The following ADAM12 variants were observed in gnomAD, a reference collection of about 807,000 sequenced individuals.
ADAM12 encodes ADAM metallopeptidase domain 12, also known as disintegrin and metalloproteinase domain-containing protein 12.
In ADAM12, 70 loss-of-function variants were observed where a neutral mutation model predicts 106.4. The observed-to-expected ratio is 0.66, with a 90% CI of 0.54 to 0.80. ADAM12 has a LOEUF of 0.80. Ranked by LOEUF, ADAM12 falls within the 30% of genes least tolerant of loss-of-function variation. The probability of loss-of-function intolerance (pLI) is 0.00; values close to 1 mark genes in which losing one functional copy is unlikely to be tolerated. For missense variants in ADAM12, 1,010 were observed against 1,171.9 expected (o/e 0.86, Z 2.02); for synonymous variants, 420 against 433.5 (o/e 0.97, Z 0.39).
intron 3 of ADAM12, among the ~76,000 whole-genome samples, chr10:126,202,392 T>C (rs1957718802): frequency 6.6e-6 from 1 of 152,256 alleles, no homozygotes; most frequent in Non-Finnish European, 1.5e-5. Context: ...TGTATAAATT[T>C]AATGACTATC....
intron 1 of ADAM12, among the ~76,000 whole-genome samples, chr10:126,337,117 G>A (rs1157968288): frequency 6.6e-6 from 1 of 152,204 alleles, no homozygotes; most frequent in Non-Finnish European, 1.5e-5. Flanking sequence ...CAATTACAAG[G>A]CGACGTCCCA....
intron 19 of ADAM12, 47 bp from the exon 20 acceptor site, chr10:126,038,396 C>CACTG: frequency 7.0e-7 from 1 of 1,437,926 alleles, no homozygotes; most frequent in South Asian, 1.4e-5. Flanking sequence ...TTCCCCTTCT[C>CACTG]ACTGACTTGA....
At position 126,113,731 on chromosome 10, in the gene ADAM12, T is replaced by TATATAA. The variant is rs1176475501; in HGVS notation, c.604-3892_604-3891insTTATAT. Reference sequence around the variant, plus strand: ...ATATATATATATATATATATATATATAATATATTGCTCTGGCTACTGGAAG... The same window carrying TATATAA: ...ATATATATATATATATATATATATATATATAAAATATATTGCTCTGGCTACTGGAAG... On this transcript the variant is annotated intron_variant, in intron 6 of 22. Transcript: ENST00000448723. Among the ~76,000 whole-genome samples the TATATAA allele has an allele frequency of 2.5e-3, 64 of 25,938 alleles. 1 individual carries two copies. The highest frequency in any genetic ancestry group is 9.6e-3 in the African/African-American group (59 of 6,134). 17.0% of individuals were successfully genotyped at this position (25,938 alleles called of 152,430 possible). A position where few individuals can be genotyped will look rare whatever the true frequency, so the allele number is the denominator to read the frequency against.
intron 13 of ADAM12, 47 bp from the exon 14 acceptor site, chr10:126,065,048 G>A: frequency 2.6e-6 from 4 of 1,551,000 alleles, no homozygotes; most frequent in South Asian, 1.2e-5. Flanking sequence ...GGGAAAGGGA[G>A]AGGCAGCTCT....
At chr10:126,226,212 G>A (rs376855206) in intron 3 of ADAM12, among the ~76,000 whole-genome samples, 3 of 141,148 alleles carry the variant, frequency 2.1e-5, no homozygotes, top group East Asian at 4.3e-4. Flanking sequence ...CGGGGGGAGT[G>A]GGGTGGGAGT....
chr10:126,364,319 G>T (rs1395372382), intron 1 of ADAM12, among the ~76,000 whole-genome samples: 1 of 150,720 alleles, frequency 6.6e-6, no homozygotes, highest in African/African-American at 2.4e-5. Context: ...AATTCTTTAT[G>T]TTTGAGACAC....
intron 3 of ADAM12, among the ~76,000 whole-genome samples, chr10:126,251,674 TGGGATGGAG>T (rs1958763291): frequency 7.1e-6 from 1 of 141,496 alleles, no homozygotes; most frequent in Non-Finnish European, 1.5e-5. Flanking sequence ...GATGGATGGA[TGGGATGGAG>T]AGGATGGATG....
chr10:126,053,794 C>T lies in ADAM12; in HGVS notation c.1610-4125G>A, dbSNP rs1954565087. Among the ~76,000 whole-genome samples, 1 of 151,244 alleles carries T rather than the reference C, an allele frequency of 6.6e-6. No homozygotes were observed. ...GATCTCGGCTCACTGCAACCTCTGC[C>T]TCCCGGGTTCAAGCTATTCTCCTGC... On this transcript the variant is annotated intron_variant, in intron 14 of 22. Coordinates refer to ENST00000448723, the MANE Select transcript of ADAM12 (RefSeq NM_001288973.2). The surrounding 1 kb of genome is among the most constrained non-coding windows in gnomAD (Gnocchi z 4.6).
intron 3 of ADAM12, among the ~76,000 whole-genome samples, chr10:126,234,641 C>G (rs902054544): frequency 6.6e-6 from 1 of 152,210 alleles, no homozygotes; most frequent in African/African-American, 2.4e-5. Flanking sequence ...GAAACACACA[C>G]GCATCCTGAC....
chr10:126,311,974 C>G (rs1961119052), intron 2 of ADAM12, among the ~76,000 whole-genome samples: 1 of 152,012 alleles, frequency 6.6e-6, no homozygotes, highest in African/African-American at 2.4e-5. Flanking sequence ...TGTGGGTCAC[C>G]TGGGGACCCT....
chr10:126,368,354 TTG>T (rs975359049), intron 1 of ADAM12, among the ~76,000 whole-genome samples: 7 of 129,540 alleles, frequency 5.4e-5, no homozygotes, highest in African/African-American at 1.4e-4. Context: ...ATTGTGTGAT[TTG>T]TTTTTTTTTT....
At chr10:126,131,192 G>C (rs1171898220) in intron 5 of ADAM12, among the ~76,000 whole-genome samples, 2 of 149,496 alleles carry the variant, frequency 1.3e-5, no homozygotes, top group Non-Finnish European at 3.0e-5. Context: ...CCTGCCTCGG[G>C]GACCCTGGGT....
At chr10:126,240,085 C>T (rs372704291) in intron 3 of ADAM12, among the ~76,000 whole-genome samples, 4 of 152,308 alleles carry the variant, frequency 2.6e-5, no homozygotes, top group African/African-American at 9.6e-5. Flanking sequence ...TCTACACTGC[C>T]CATTGGTGCA....
chr10:126,261,511 T>C (rs11591658), intron 3 of ADAM12, among the ~76,000 whole-genome samples: 41,312 of 152,036 alleles, frequency 0.27, 6,092 homozygotes, highest in South Asian at 0.43. Context: ...TGAGTATTTG[T>C]TATAAATCAA....
intron 3 of ADAM12, among the ~76,000 whole-genome samples, chr10:126,254,888 G>A (rs12771688): frequency 0.19 from 29,207 of 152,164 alleles, 2,958 homozygotes; most frequent in African/African-American, 0.26. Flanking sequence ...CATCTCTCTT[G>A]ACATAAACCA....
chr10:126,255,841 G>A (rs1040711954), intron 3 of ADAM12, among the ~76,000 whole-genome samples: 3 of 152,318 alleles, frequency 2.0e-5, no homozygotes, highest in African/African-American at 4.8e-5. Context: ...CGAGGCACAC[G>A]CCTGGTCATT....
chr10:126,163,852 C>T (rs1024314583), intron 3 of ADAM12, among the ~76,000 whole-genome samples: 5 of 152,142 alleles, frequency 3.3e-5, no homozygotes, highest in Admixed American at 2.0e-4. Context: ...AGAAGTGCTT[C>T]ATAAATAAAC....
intron 2 of ADAM12, among the ~76,000 whole-genome samples, chr10:126,299,478 A>G (rs552675022): frequency 2.4e-4 from 37 of 152,314 alleles, no homozygotes; most frequent in South Asian, 8.3e-4. Flanking sequence ...AACTTGCCCA[A>G]GGTTACCTGG....
At chr10:126,107,861 C>T (rs1280984290) in intron 8 of ADAM12, among the ~76,000 whole-genome samples, 2 of 152,126 alleles carry the variant, frequency 1.3e-5, no homozygotes, top group East Asian at 1.9e-4. Flanking sequence ...GGCTAAGGGT[C>T]GTCAGCAGCA....
Sources: allele counts gnomAD v4.1 joint callset (sites outside exome capture counted in the v4.1 genomes callset), GRCh38; gene constraint gnomAD v4.1.1; non-coding constraint Gnocchi (gnomAD v3.1); transcripts MANE v1.5; gene names NCBI Gene and HGNC (gene_info 2026-07-23, HGNC 2026-07-21).